The following ARHGAP40 variants were observed in gnomAD, a reference collection of about 807,000 sequenced individuals.
The protein encoded by ARHGAP40 is Rho GTPase activating protein 40.
Under a neutral mutation model 73.5 loss-of-function variants are expected in ARHGAP40, and 43 were observed. The ratio of observed to expected loss-of-function variants is 0.58; its 90% CI spans 0.46 to 0.75. The LOEUF is 0.75. ARHGAP40 is among the 30% of genes least tolerant of loss of function. The pLI is 0.00. For synonymous variants in ARHGAP40, 300 were observed against 352.8 expected (o/e 0.85, Z 1.68); for missense variants, 734 against 861.8 (o/e 0.85, Z 1.86).
intron 1 of ARHGAP40, among the ~76,000 whole-genome samples, chr20:38,613,527 G>A (rs1294361659): frequency 6.6e-6 from 1 of 152,146 alleles, no homozygotes. Context: ...GGGCATAATG[G>A]CCTGGCAAAG....
chr20:38,621,331 G>A (rs2088872215), intron 1 of ARHGAP40, among the ~76,000 whole-genome samples: 1 of 152,166 alleles, frequency 6.6e-6, no homozygotes, highest in Admixed American at 6.5e-5. Flanking sequence ...AGGAACAAAG[G>A]TAACAGATGG....
rs750789487 is a variant in ARHGAP40 at position 38,639,299 on chromosome 20, G to A, written c.1192G>A (p.Ala398Thr). Reference sequence around the variant, plus strand: ...CTGGGACGAGGTTCATCACAATGACGCCTCTGATTTGCTCAAAAGGTTCAT... The same window carrying A: ...CTGGGACGAGGTTCATCACAATGACACCTCTGATTTGCTCAAAAGGTTCAT... Residue 398 changes from alanine to threonine, a missense_variant, in exon 9 of 15, where the codon GCC (alanine) becomes ACC (threonine). Ala to Thr is a moderately conservative substitution (Grantham distance 58). Coordinates refer to ENST00000373345, the Ensembl canonical transcript of ARHGAP40. 35 of 1,305,342 alleles carry A rather than the reference G, an allele frequency of 2.7e-5. No homozygotes were observed. Among genetic ancestry groups the A allele is most frequent in the South Asian group, 1.1e-4 (9 of 81,042 alleles). 80.9% of individuals were successfully genotyped at this position (1,305,342 alleles called of 1,614,324 possible).
intron 1 of ARHGAP40, among the ~76,000 whole-genome samples, chr20:38,620,216 G>A (rs1419529130): frequency 6.6e-6 from 1 of 152,192 alleles, no homozygotes; most frequent in African/African-American, 2.4e-5. Context: ...TCAACAAAGC[G>A]CTGGAAACAA....
chr20:38,630,267 G>A (rs894191104), intron 5 of ARHGAP40, among the ~76,000 whole-genome samples: 13 of 148,328 alleles, frequency 8.8e-5, no homozygotes, highest in Admixed American at 2.7e-4. Context: ...TCACCCAGGC[G>A]GGAGTGCAGT....
At chr20:38,643,769 T>C in exon 11 of ARHGAP40, 1 of 1,305,848 alleles carries the variant, frequency 7.7e-7, no homozygotes, top group Non-Finnish European at 1.0e-6. Context: ...CTCTGAGGAA[T>C]GTTTCCACCG....
chr20:38,634,579 A>G (rs1302579087), intron 5 of ARHGAP40, 41 bp from the exon 6 acceptor site: 5 of 1,299,854 alleles, frequency 3.8e-6, no homozygotes, highest in Non-Finnish European at 5.1e-6. Context: ...CATCAGACTC[A>G]TAGCCTGACA....
intron 10 of ARHGAP40, 21 bp downstream of exon 10, chr20:38,641,829 C>G (rs1180291793): frequency 1.9e-5 from 24 of 1,266,342 alleles, no homozygotes; most frequent in Non-Finnish European, 2.3e-5. Context: ...CCATGCACCA[C>G]CACCACTCTG....
chr20:38,603,530 CATCT>C (rs1457928465), intron 1 of ARHGAP40, among the ~76,000 whole-genome samples: 16 of 148,738 alleles, frequency 1.1e-4, no homozygotes, highest in East Asian at 7.7e-4. Context: ...TCTATCTATT[CATCT>C]ATCTATGTTT....
Position 38,639,374 on chromosome 20 carries a change from G to A in ARHGAP40, c.1267G>A (p.Ala423Thr), listed in dbSNP as rs201838972. 6.2e-4 allele frequency: 808 copies of A among 1,305,492 alleles called. 3 individuals are homozygous for A. Among genetic ancestry groups the A allele is most frequent in the Admixed American group, 2.3e-3 (102 of 43,580 alleles). 80.9% of individuals were successfully genotyped at this position (1,305,492 alleles called of 1,614,324 possible). The change falls in exon 9 of 15, where the codon GCC becomes ACC. Residue 423 changes from alanine (A) to threonine (T), a missense_variant. By Grantham distance (58) the Ala-to-Thr change is moderately conservative (BLOSUM62 0). Coordinates refer to ENST00000373345, the Ensembl canonical transcript of ARHGAP40. Reference sequence around the variant, plus strand: ...CACGGCTGAGTACCTCCCGGCCTTCGCCGTGGTGCCTAGTGAGTGTGCCCA... The same window carrying A: ...CACGGCTGAGTACCTCCCGGCCTTCACCGTGGTGCCTAGTGAGTGTGCCCA...
chr20:38,617,803 G>T (rs1006386371), intron 1 of ARHGAP40, among the ~76,000 whole-genome samples: 1 of 152,194 alleles, frequency 6.6e-6, no homozygotes, highest in Non-Finnish European at 1.5e-5. Flanking sequence ...GATAGGAAGA[G>T]TCCAGAAGCA....
chr20:38,646,999 G>A lies in ARHGAP40; in HGVS notation c.1753G>A (p.Asp585Asn). 2 of 1,305,460 alleles carry A rather than the reference G, an allele frequency of 1.5e-6. No individual in the cohort carries two copies. The highest frequency in any genetic ancestry group is 1.2e-5 in the South Asian group (1 of 81,026). The allele number at this position is 1,305,460 out of a possible 1,614,324, so 80.9% of individuals were successfully genotyped here. The change falls in exon 13 of 15, where the codon GAC becomes AAC. Residue 585 changes from aspartate to asparagine, a missense_variant. Physicochemically the swap from Asp to Asn is conservative, Grantham distance 23. Transcript: ENST00000373345. The surrounding 1 kb of genome is among the most constrained non-coding windows in gnomAD (Gnocchi z 4.5). Reference sequence around the variant, plus strand: ...GATCCAGGTGGTCTGGCCTATCAAGGACCCCTTGAAGGTGCCTCTCACCCC... The same window carrying A: ...GATCCAGGTGGTCTGGCCTATCAAGAACCCCTTGAAGGTGCCTCTCACCCC...
intron 5 of ARHGAP40, among the ~76,000 whole-genome samples, chr20:38,630,224 T>C (rs1224917783): frequency 7.2e-6 from 1 of 138,592 alleles, no homozygotes; most frequent in Non-Finnish European, 1.6e-5. Flanking sequence ...TCTTTCCTTC[T>C]TTTTTTTTTC....
At chr20:38,632,354 C>T (rs1033312867) in intron 5 of ARHGAP40, among the ~76,000 whole-genome samples, 1 of 152,074 alleles carries the variant, frequency 6.6e-6, no homozygotes, top group Admixed American at 6.5e-5. Flanking sequence ...GCTCCGCCCC[C>T]TGGGTTCATG....
intron 1 of ARHGAP40, among the ~76,000 whole-genome samples, chr20:38,608,616 A>G (rs1174279922): frequency 3.3e-5 from 5 of 152,204 alleles, no homozygotes; most frequent in Non-Finnish European, 5.9e-5. Context: ...AGGCCCAGAC[A>G]GTGTGACTTC....
intron 1 of ARHGAP40, among the ~76,000 whole-genome samples, chr20:38,619,819 G>C (rs1422416425): frequency 6.6e-6 from 1 of 151,710 alleles, no homozygotes; most frequent in Non-Finnish European, 1.5e-5. Context: ...AGGCTTGATG[G>C]CTTACATGTG....
chr20:38,638,473 A>T (rs1464630088), intron 7 of ARHGAP40, among the ~76,000 whole-genome samples: 2 of 152,102 alleles, frequency 1.3e-5, no homozygotes, highest in Non-Finnish European at 2.9e-5. Flanking sequence ...TCTGAATCTT[A>T]AAGTCAAGGG....
intron 1 of ARHGAP40, among the ~76,000 whole-genome samples, chr20:38,616,937 T>G (rs570968258): frequency 1.4e-3 from 206 of 151,360 alleles, no homozygotes; most frequent in Non-Finnish European, 1.8e-3. Context: ...TTGAGGAACT[T>G]TATTTATTTA....
intron 1 of ARHGAP40, among the ~76,000 whole-genome samples, chr20:38,622,476 G>A (rs2088878531): frequency 6.6e-6 from 1 of 152,166 alleles, no homozygotes; most frequent in Admixed American, 6.5e-5. Flanking sequence ...TGAAGTCCTG[G>A]ACTTCATTTA....
intron 6 of ARHGAP40, among the ~76,000 whole-genome samples, chr20:38,635,523 C>T (rs567422024): frequency 2.0e-5 from 3 of 151,914 alleles, no homozygotes; most frequent in Non-Finnish European, 4.4e-5. Context: ...AGTAGCCAGG[C>T]GTGCTGGTGC....
Sources: gnomAD v4.1 joint callset for allele counts (sites outside exome capture counted in the v4.1 genomes callset) on GRCh38, gnomAD v4.1.1 for gene constraint, Gnocchi (gnomAD v3.1) non-coding constraint, MANE v1.5 for transcripts, NCBI Gene and HGNC (gene_info 2026-07-23, HGNC 2026-07-21) for gene names.